The following CCDC157 variants were observed in gnomAD, a reference collection of about 807,000 sequenced individuals.
The protein encoded by CCDC157 is coiled-coil domain-containing protein 157.
CCDC157 carries 60 observed loss-of-function variants against 70.9 expected under a neutral mutation model. The observed-to-expected ratio is 0.85, with a 90% CI of 0.69 to 1.05. The LOEUF (loss-of-function observed/expected upper bound fraction) is 1.05. Ranked by LOEUF, CCDC157 falls within the 50% of genes least tolerant of loss-of-function variation. CCDC157 has a pLI of 0.00. For missense variants in CCDC157, 943 were observed against 984.2 expected (o/e 0.96, Z 0.56); for synonymous variants, 373 against 422.4 (o/e 0.88, Z 1.43).
Position 30,370,726 on chromosome 22 carries a change from G to T in CCDC157, c.821G>T (p.Arg274Leu), listed in dbSNP as rs746672484. The T allele has an allele frequency of 2.0e-5, 32 of 1,613,294 alleles. No individual in the cohort carries two copies. Among genetic ancestry groups the T allele is most frequent in the Non-Finnish European group, 2.6e-5 (31 of 1,179,840 alleles). ...LRPLPAATVG[R>L]WAAEQRKDLT... ...CCACTGCCGGCTGCCACCGTGGGCC[G>T]CTGGGCAGCAGAGCAGAGGAAAGAC... Residue 274 changes from arginine (R) to leucine (L), a missense_variant, in exon 5 of 12, where the codon CGC becomes CTC. By Grantham distance (102) the Arg-to-Leu change is moderately radical. Transcript: ENST00000338306.
At position 30,373,738 on chromosome 22, in the gene CCDC157, G is replaced by A. The variant is rs139169688; in HGVS notation, c.1477G>A (p.Gly493Arg). The stretch of plus-strand genomic sequence containing the variant: ...GCAGCTGCAGAGCGAGCGGGAGCAG[G>A]GGCAATGCCAGCTCAGGGCCCAGCA... The part of the protein sequence containing the change: ...EEQLQSEREQ[G>R]QCQLRAQQEL... Residue 493 changes from glycine to arginine, a missense_variant, in exon 8 of 12, where the codon GGG becomes AGG. Physicochemically the swap from Gly to Arg is moderately radical, Grantham distance 125. Transcript: ENST00000338306. 361 of 1,554,016 alleles carry A rather than the reference G, an allele frequency of 2.3e-4. 1 individual carries two copies. In the African/African-American group the frequency reaches 3.1e-3, roughly 14 times the overall value.
In CCDC157 at chr22:30,376,841, C is replaced by T; in HGVS notation, c.*96C>T. 1.6e-6 allele frequency: 2 copies of T among 1,251,248 alleles called. No homozygotes were observed. Among genetic ancestry groups the T allele is most frequent in the Non-Finnish European group, 2.2e-6 (2 of 898,944 alleles). The allele number at this position is 1,251,248 out of a possible 1,614,324, so 77.5% of individuals were successfully genotyped here. A position where few individuals can be genotyped will look rare whatever the true frequency, so the allele number is the denominator to read the frequency against. On this transcript the variant is annotated 3_prime_UTR_variant, in exon 12 of 12. Transcript: ENST00000338306. ...TTGGCCCACAGCAATCTTTGCCTCA[C>T]AGTATGACTGAGCCAAGGAAAGAAC...
chr22:30,376,112 G>A (rs1195530899), intron 10 of CCDC157, 147 bp from the exon 11 acceptor site: 1 of 675,094 alleles, frequency 1.5e-6, no homozygotes, highest in African/African-American at 1.8e-5. Context: ...GCCCTGGAAG[G>A]CTTCCTAGGC....
Position 30,369,565 on chromosome 22 carries a change from C to A in CCDC157, c.382C>A (p.Leu128Met). ...LTVRRFWDSL[L>M]RLGTLHQQPL... ...GGTGCGGCGCTTCTGGGACAGCCTG[C>A]TGAGGCTGGGCACGCTCCACCAGCA... The change falls in exon 4 of 12, where the codon CTG becomes ATG. Residue 128 changes from leucine (L) to methionine (M), a missense_variant. By Grantham distance (15) the Leu-to-Met change is conservative. Coordinates refer to ENST00000338306, the MANE Select transcript of CCDC157 (RefSeq NM_001017437.5). The A allele has an allele frequency of 6.3e-7, 1 of 1,596,440 alleles. No homozygotes were observed. Among genetic ancestry groups the A allele is most frequent in the South Asian group, 1.1e-5 (1 of 89,558 alleles).
intron 4 of CCDC157, chr22:30,369,811 C>T (rs191423369): frequency 7.6e-4 from 371 of 486,618 alleles, no homozygotes; most frequent in Non-Finnish European, 1.1e-3. Context: ...TGCTCCCTGG[C>T]TCTGACATCC....
intron 3 of CCDC157, among the ~76,000 whole-genome samples, chr22:30,368,529 C>T (rs1010815369): frequency 2.6e-5 from 4 of 152,246 alleles, no homozygotes; most frequent in African/African-American, 9.6e-5. Context: ...ACGGATTGCT[C>T]TGCCAAAGCC....
At position 30,365,904 on chromosome 22, in the gene CCDC157, T is replaced by A. The variant is rs1388718757; in HGVS notation, c.-11-86T>A. ...TGGGGTGAACTTCCGGCCTAGCAGC[T>A]CCTGGGCAGATGAGGGTTTCAGGGA... On this transcript the variant is annotated intron_variant, in intron 2 of 11. Transcript: ENST00000338306. 2.3e-6 allele frequency: 3 copies of A among 1,314,638 alleles called. No homozygotes were observed. In the African/African-American group the frequency reaches 4.4e-5, roughly 19 times the overall value. 81.4% of individuals were successfully genotyped at this position (1,314,638 alleles called of 1,614,324 possible). A position where few individuals can be genotyped will look rare whatever the true frequency, so the allele number is the denominator to read the frequency against.
intron 9 of CCDC157, chr22:30,374,838 C>T (rs746570424): frequency 1.2e-5 from 5 of 433,390 alleles, no homozygotes; most frequent in East Asian, 7.0e-5. Context: ...GAATTCCTGC[C>T]GTTCCCAAGC....
intron 1 of CCDC157, among the ~76,000 whole-genome samples, chr22:30,361,262 A>G (rs934805162): frequency 2.6e-5 from 4 of 151,210 alleles, no homozygotes; most frequent in East Asian, 1.9e-4. Flanking sequence ...AAAAAAAAAA[A>G]AAAGAAAAAA....
chr22:30,366,900 A>G (rs1036600112), intron 3 of CCDC157: 5 of 153,316 alleles, frequency 3.3e-5, no homozygotes, highest in African/African-American at 1.2e-4. Flanking sequence ...TCTACTAAAA[A>G]TACAAAAATT....
chr22:30,365,896 CT>C (rs1932688916), intron 2 of CCDC157, 93 bp from the exon 3 acceptor site: 1 of 1,253,146 alleles, frequency 8.0e-7, no homozygotes, highest in Non-Finnish European at 1.1e-6. Context: ...AACTTCCGGC[CT>C]AGCAGCTCCT....
upstream of CCDC157, chr22:30,356,746 G>T: frequency 6.7e-7 from 1 of 1,493,730 alleles, no homozygotes; most frequent in Non-Finnish European, 8.9e-7. Flanking sequence ...GGGCTCCGTG[G>T]GCACGGGCGG....
At chr22:30,375,178 T>C in intron 9 of CCDC157, 1 of 329,160 alleles carries the variant, frequency 3.0e-6, no homozygotes, top group Non-Finnish European at 5.7e-6. Context: ...AGGATGGTCT[T>C]GATCTCTTGA....
At chr22:30,373,443 T>G in intron 7 of CCDC157, 154 bp from the exon 8 acceptor site, 1 of 792,758 alleles carries the variant, frequency 1.3e-6, no homozygotes, top group South Asian at 1.8e-5. Context: ...ACCCCTACCC[T>G]TCCACGCATG....
intron 7 of CCDC157, 27 bp from the exon 8 acceptor site, chr22:30,373,570 C>A: frequency 6.4e-7 from 1 of 1,551,062 alleles, no homozygotes; most frequent in South Asian, 1.2e-5. Context: ...GGTCTCACAG[C>A]CTCCCTGCTT....
intron 7 of CCDC157, 107 bp from the exon 8 acceptor site, chr22:30,373,490 G>GGGGTAGCAGCCGA: frequency 1.6e-6 from 2 of 1,247,952 alleles, no homozygotes; most frequent in Non-Finnish European, 2.2e-6. Context: ...CACACCCCAG[G>GGGGTAGCAGCCGA]GGGGTAGCAG....
chr22:30,359,446 T>C (rs1932178247), intron 1 of CCDC157, among the ~76,000 whole-genome samples: 1 of 152,192 alleles, frequency 6.6e-6, no homozygotes, highest in Non-Finnish European at 1.5e-5. Flanking sequence ...ATATCACTGG[T>C]AGTTCCTGGA....
intron 9 of CCDC157, 30 bp downstream of exon 9, chr22:30,374,121 T>G: frequency 6.4e-7 from 1 of 1,563,676 alleles, no homozygotes; most frequent in Non-Finnish European, 8.7e-7. Flanking sequence ...GCCAAGGGCA[T>G]GCTGGGGCTC....
In CCDC157 at chr22:30,376,536, C is replaced by T; in HGVS notation, c.2050C>T (p.Gln684Ter). 3 of 1,613,118 alleles carry T rather than the reference C, an allele frequency of 1.9e-6. No individual in the cohort carries two copies. The highest frequency in any genetic ancestry group is 1.7e-6 in the Non-Finnish European group (2 of 1,179,806). ...GCAGCCCTGCACATCCCCACCTCGG[C>T]AGCCCTGCACATCCCCACCTCGGCA... ...PRQPCTSPPR[Q>*]PCTSPPRQPC... The change falls in exon 12 of 12, where the codon CAG becomes TAG. Residue 684 changes from glutamine to a stop codon, truncating the protein, a stop_gained. Coordinates refer to ENST00000338306, the MANE Select transcript of CCDC157 (RefSeq NM_001017437.5). LOFTEE classifies it low-confidence loss of function (END_TRUNC).
Sources: allele counts gnomAD v4.1 joint callset (sites outside exome capture counted in the v4.1 genomes callset), GRCh38; gene constraint gnomAD v4.1.1; transcripts MANE v1.5; gene names NCBI Gene and HGNC (gene_info 2026-07-23, HGNC 2026-07-21).